Variants in ATP8A2 observed in about 807,000 individuals in gnomAD.
The protein encoded by ATP8A2 is phospholipid-transporting ATPase IB.
In ATP8A2, 100 loss-of-function variants were observed where a neutral mutation model predicts 165.6. That is an observed-to-expected ratio of 0.60 (90% confidence interval 0.51 to 0.71). The LOEUF (loss-of-function observed/expected upper bound fraction) is 0.71. Among genes scored for constraint, ATP8A2 ranks in the 30% least tolerant of loss-of-function variants. The pLI is 0.00. For missense variants in ATP8A2, 1,227 were observed against 1,479.5 expected, an observed-to-expected ratio of 0.83 and a Z score of 2.80; for synonymous variants, 543 against 548.8, an observed-to-expected ratio of 0.99 and a Z score of 0.15.
intron 24 of ATP8A2, among the ~76,000 whole-genome samples, chr13:25,698,377 A>C (rs998736670): frequency 6.6e-6 from 1 of 152,052 alleles, no homozygotes; most frequent in Admixed American, 6.6e-5. Context: ...TGCAGCAGAC[A>C]CACACCACCA....
intron 28 of ATP8A2, among the ~76,000 whole-genome samples, 158 bp from the exon 29 acceptor site, chr13:25,837,005 A>G (rs1593425707): frequency 6.6e-6 from 1 of 152,166 alleles, no homozygotes; most frequent in Non-Finnish European, 1.5e-5. Flanking sequence ...ATGGTCTTTC[A>G]TTTATTTCCT....
chr13:25,738,551 G>T (rs2043837041), intron 25 of ATP8A2, among the ~76,000 whole-genome samples: 1 of 152,220 alleles, frequency 6.6e-6, no homozygotes, highest in Non-Finnish European at 1.5e-5. Context: ...AGCAGAGAGG[G>T]ATTTGTGGTG....
intron 16 of ATP8A2, among the ~76,000 whole-genome samples, chr13:25,567,592 C>T (rs2039353169): frequency 6.6e-6 from 1 of 152,078 alleles, no homozygotes; most frequent in Admixed American, 6.6e-5. Flanking sequence ...AATCTGGATA[C>T]TCATAGTTTC....
At chr13:25,904,117 T>C (rs74335017) in intron 33 of ATP8A2, among the ~76,000 whole-genome samples, 6,902 of 152,296 alleles carry the variant, frequency 0.045, 245 homozygotes, top group East Asian at 0.16. Context: ...TCTGAAAACC[T>C]GAGATCCAAA....
intron 33 of ATP8A2, among the ~76,000 whole-genome samples, chr13:25,907,810 A>G (rs771852427): frequency 2.0e-5 from 3 of 152,142 alleles, no homozygotes; most frequent in Non-Finnish European, 2.9e-5. Context: ...TTGTGCTTTT[A>G]GCTGCCAAAC....
intron 24 of ATP8A2, among the ~76,000 whole-genome samples, chr13:25,594,327 A>G (rs1174350748): frequency 6.6e-6 from 1 of 152,226 alleles, no homozygotes; most frequent in Admixed American, 6.5e-5. Flanking sequence ...TCCTGCTGCA[A>G]TAATATAGAG....
At chr13:25,987,744 A>G (rs777593354) in intron 35 of ATP8A2, among the ~76,000 whole-genome samples, 21 of 152,166 alleles carry the variant, frequency 1.4e-4, no homozygotes, top group Non-Finnish European at 2.4e-4. Flanking sequence ...TTCGCATAAC[A>G]CCAGATAACT....
intron 33 of ATP8A2, among the ~76,000 whole-genome samples, chr13:25,877,647 T>C (rs1952852800): frequency 6.6e-6 from 1 of 152,208 alleles, no homozygotes; most frequent in South Asian, 2.1e-4. Flanking sequence ...CCTCCCATGT[T>C]CCTTAGAGCA....
intron 2 of ATP8A2, among the ~76,000 whole-genome samples, chr13:25,516,152 T>C (rs746646790): frequency 2.9e-4 from 44 of 152,326 alleles, no homozygotes; most frequent in Admixed American, 1.3e-3. Context: ...CAGCTCCCGA[T>C]GTTCTCCCAG....
At position 25,743,089 on chromosome 13, in the gene ATP8A2, AGGT is replaced by A. The variant is rs2043951729; in HGVS notation, c.2385-25956_2385-25954del. ...GGGTCATTTCAGATGTATTGAGATG[AGGT>A]CATTAGGGTGGACCTCATCTTAATA... On this transcript the variant is annotated intron_variant, in intron 25 of 36. Coordinates refer to ENST00000381655, the MANE Select transcript of ATP8A2 (RefSeq NM_016529.6). Among the ~76,000 whole-genome samples the A allele has an allele frequency of 7.2e-5, 11 of 152,206 alleles. No individual in the cohort carries two copies. In the South Asian group the frequency reaches 2.3e-3, roughly 32 times the overall value.
intron 23 of ATP8A2, among the ~76,000 whole-genome samples, chr13:25,584,223 AG>A (rs1292067030): frequency 6.6e-6 from 1 of 152,200 alleles, no homozygotes; most frequent in Non-Finnish European, 1.5e-5. Context: ...ATGATGCAGA[AG>A]GCTCAGGAAA....
chr13:25,590,305 G>A (rs1207580808), intron 24 of ATP8A2, among the ~76,000 whole-genome samples: 9 of 152,086 alleles, frequency 5.9e-5, no homozygotes, highest in Admixed American at 4.6e-4. Flanking sequence ...TATGCCTGTA[G>A]TCCCAGCTGC....
At chr13:25,574,690 G>A (rs960712062) in intron 18 of ATP8A2, 118 bp from the exon 19 acceptor site, 15 of 732,710 alleles carry the variant, frequency 2.0e-5, no homozygotes, top group African/African-American at 8.9e-5. Context: ...GTTGCAAAGG[G>A]CTAGAAGGTG....
At chr13:25,683,775 T>C (rs574938923) in intron 24 of ATP8A2, among the ~76,000 whole-genome samples, 1 of 152,022 alleles carries the variant, frequency 6.6e-6, no homozygotes, top group Non-Finnish European at 1.5e-5. Context: ...TAGCCTACAG[T>C]GGTGTCTTGT....
At chr13:25,502,388 G>A (rs2036881876) in intron 2 of ATP8A2, among the ~76,000 whole-genome samples, 1 of 152,212 alleles carries the variant, frequency 6.6e-6, no homozygotes, top group Non-Finnish European at 1.5e-5. Flanking sequence ...TTGGGAAAAT[G>A]AATTTACTGT....
In ATP8A2 at chr13:25,372,038, G is replaced by A. The variant is rs1265283433; in HGVS notation, c.-175G>A. 1 of 264,946 alleles carries A rather than the reference G, an allele frequency of 3.8e-6. No individual in the cohort carries two copies. The highest frequency in any genetic ancestry group is 6.8e-6 in the Non-Finnish European group (1 of 147,042). The allele number at this position is 264,946 out of a possible 1,614,324, so 16.4% of individuals were successfully genotyped here. A position where few individuals can be genotyped will look rare whatever the true frequency, so the allele number is the denominator to read the frequency against. ...GGATGCTGCCGCATTGGCCGCTGCG[G>A]CACGGACGGCGCAGCCTCGGGCGCG... On this transcript the variant is annotated 5_prime_UTR_variant, in exon 1 of 37. Transcript: ENST00000381655. This position sits in a 1 kb window ranked among gnomAD's most constrained non-coding sequence, Gnocchi z 4.8.
At chr13:25,721,673 T>G (rs2043384666) in intron 25 of ATP8A2, among the ~76,000 whole-genome samples, 1 of 152,232 alleles carries the variant, frequency 6.6e-6, no homozygotes, top group Non-Finnish European at 1.5e-5. Flanking sequence ...CCTTCCCATT[T>G]CTTGTAAATG....
At chr13:25,419,299 T>A (rs2034226878) in intron 1 of ATP8A2, among the ~76,000 whole-genome samples, 1 of 152,136 alleles carries the variant, frequency 6.6e-6, no homozygotes, top group South Asian at 2.1e-4. Flanking sequence ...CATGGAGAAA[T>A]ACTGATGTTG....
At chr13:25,608,091 AT>A (rs762373502) in intron 24 of ATP8A2, among the ~76,000 whole-genome samples, 13 of 152,176 alleles carry the variant, frequency 8.5e-5, no homozygotes, top group Non-Finnish European at 1.8e-4. Context: ...TGCTTGGGTA[AT>A]TTATAAGCCA....
Sources: gnomAD v4.1 joint callset for allele counts (sites outside exome capture counted in the v4.1 genomes callset) on GRCh38, gnomAD v4.1.1 for gene constraint, Gnocchi (gnomAD v3.1) non-coding constraint, MANE v1.5 for transcripts, NCBI Gene and HGNC (gene_info 2026-07-23, HGNC 2026-07-21) for gene names.